The following HPSE2 variants were observed in gnomAD, a reference collection of about 807,000 sequenced individuals.
HPSE2 encodes heparanase 2 (inactive), also known as inactive heparanase-2.
A neutral mutation model predicts 60.5 loss-of-function variants in HPSE2; 38 were observed. That is an observed-to-expected ratio of 0.63 (90% CI 0.48 to 0.82). The LOEUF (loss-of-function observed/expected upper bound fraction) is 0.82, where lower values mean the gene tolerates loss of function less well. Among genes scored for constraint, HPSE2 ranks in the 40% least tolerant of loss-of-function variants. The pLI, the probability that HPSE2 is intolerant of heterozygous loss-of-function variation, is 0.00. For missense variants in HPSE2, 713 were observed against 740.4 expected (o/e 0.96, Z 0.43); for synonymous variants, 295 against 293.2 (o/e 1.01, Z -0.06).
At chr10:99,021,498 T>G (rs1957261634) in intron 3 of HPSE2, among the ~76,000 whole-genome samples, 1 of 152,122 alleles carries the variant, frequency 6.6e-6, no homozygotes, top group Non-Finnish European at 1.5e-5. Context: ...CTTGATGGTT[T>G]AGGCAAGACA....
chr10:98,675,540 A>C (rs1237988812), intron 6 of HPSE2, among the ~76,000 whole-genome samples: 4 of 26,154 alleles, frequency 1.5e-4, no homozygotes, highest in African/African-American at 4.7e-4. Context: ...ATCCCTGTCT[A>C]CACACACACA....
rs539046843 is a variant in HPSE2 at position 98,585,414 on chromosome 10, G to C, written c.1320+29490C>G. The stretch of plus-strand genomic sequence containing the variant: ...AGCCTCCCAAGTAGCTGGGATTACA[G>C]GTGTGCGCCACCACACCCAGCTAAT... On this transcript the variant is annotated intron_variant, in intron 9 of 11. Transcript: ENST00000370552. 4.0e-5 allele frequency among the ~76,000 whole-genome samples: 6 copies of C among 151,598 alleles called. No homozygotes were observed. The East Asian group carries it at 1.2e-3, about 30-fold the overall frequency.
At chr10:98,622,213 T>A (rs1218619270) in intron 7 of HPSE2, among the ~76,000 whole-genome samples, 1 of 151,112 alleles carries the variant, frequency 6.6e-6, no homozygotes, top group East Asian at 1.9e-4. Context: ...AGTGTTAAAT[T>A]AAAAAAAAAC....
At chr10:98,721,522 C>A in intron 5 of HPSE2, 135 bp downstream of exon 5, 1 of 806,156 alleles carries the variant, frequency 1.2e-6, no homozygotes, top group South Asian at 1.7e-5. Context: ...TGGGTGAAGC[C>A]ACTATGGAAA....
At chr10:99,171,714 G>C (rs912358063) in intron 2 of HPSE2, among the ~76,000 whole-genome samples, 1 of 152,080 alleles carries the variant, frequency 6.6e-6, no homozygotes, top group Admixed American at 6.6e-5. Flanking sequence ...GAAGTTAATT[G>C]AATAATGGGC....
intron 3 of HPSE2, among the ~76,000 whole-genome samples, chr10:99,134,613 C>T (rs1369764320): frequency 6.6e-6 from 1 of 152,140 alleles, no homozygotes; most frequent in South Asian, 2.1e-4. Flanking sequence ...TCATAACCAA[C>T]CAAACTAAGT....
At chr10:98,690,904 T>C (rs1948061910) in intron 6 of HPSE2, among the ~76,000 whole-genome samples, 1 of 152,090 alleles carries the variant, frequency 6.6e-6, no homozygotes, top group African/African-American at 2.4e-5. Flanking sequence ...ACTACAGAGA[T>C]CTGTTTATTC....
intron 3 of HPSE2, among the ~76,000 whole-genome samples, chr10:98,984,117 C>T (rs1956276440): frequency 6.6e-6 from 1 of 152,206 alleles, no homozygotes; most frequent in Admixed American, 6.5e-5. Context: ...ACTTAAATGT[C>T]CTTATCTGAC....
Position 99,000,140 on chromosome 10 carries a change from G to T in HPSE2, c.610+144098C>A, listed in dbSNP as rs144039499. Among the ~76,000 whole-genome samples, 47 of 152,194 alleles carry T rather than the reference G, an allele frequency of 3.1e-4. No homozygotes were observed. The East Asian group carries it at 8.7e-3, about 28-fold the overall frequency. ...GGGAAAAAAAGGCAGTGTGAGGAGA[G>T]AATCATTAGAACTTGTTAACTTACT... On this transcript the variant is annotated intron_variant, in intron 3 of 11. Coordinates refer to ENST00000370552, the MANE Select transcript of HPSE2 (RefSeq NM_021828.5).
At chr10:98,907,503 G>A (rs1370078858) in intron 3 of HPSE2, among the ~76,000 whole-genome samples, 1 of 152,080 alleles carries the variant, frequency 6.6e-6, no homozygotes, top group Non-Finnish European at 1.5e-5. Context: ...AATACACACA[G>A]TTTTCTTTCT....
chr10:99,086,514 G>A (rs953217734), intron 3 of HPSE2, among the ~76,000 whole-genome samples: 33 of 150,662 alleles, frequency 2.2e-4, no homozygotes, highest in Admixed American at 6.6e-5. Context: ...CACTACGCCC[G>A]GCTAATTTTT....
intron 9 of HPSE2, among the ~76,000 whole-genome samples, chr10:98,497,161 T>C (rs1217793448): frequency 6.6e-6 from 1 of 152,142 alleles, no homozygotes; most frequent in East Asian, 1.9e-4. Flanking sequence ...TATCACATAC[T>C]AAGTAATAGT....
At chr10:98,734,519 C>G (rs1235405749) in intron 4 of HPSE2, among the ~76,000 whole-genome samples, 1 of 147,858 alleles carries the variant, frequency 6.8e-6, no homozygotes, top group African/African-American at 2.4e-5. Context: ...ACATTTGTTA[C>G]TTTACTTTTC....
rs560613848 is a variant in HPSE2, at chr10:98,941,077, G to T, written c.611-197021C>A. ...TCAATAAATTAGGTATTGATGGGAC[G>T]TATCTCAAAAGAATAAGAGCTATCT... On this transcript the variant is annotated intron_variant, in intron 3 of 11. Transcript: ENST00000370552. Among the ~76,000 whole-genome samples the T allele has an allele frequency of 8.0e-4, 113 of 141,358 alleles. 9 individuals carry two copies. Among genetic ancestry groups the T allele is most frequent in the Middle Eastern group, 3.6e-3 (1 of 280 alleles). The allele number at this position is 141,358 out of a possible 152,430, so 92.7% of individuals were successfully genotyped here.
intron 3 of HPSE2, among the ~76,000 whole-genome samples, chr10:99,112,410 T>TTGTTG (rs954841709): frequency 2.1e-4 from 19 of 91,062 alleles, no homozygotes; most frequent in African/African-American, 5.5e-4. Context: ...CGGCTTTTTT[T>TTGTTG]TGTTGTGTTT....
At chr10:98,614,301 T>G (rs1013836971) in intron 9 of HPSE2, among the ~76,000 whole-genome samples, 11 of 151,648 alleles carry the variant, frequency 7.3e-5, no homozygotes, top group Admixed American at 2.6e-4. Context: ...GTTTTGTTTT[T>G]TTTTTTTTTG....
At chr10:99,139,120 T>C (rs1845771388) in intron 3 of HPSE2, among the ~76,000 whole-genome samples, 1 of 152,070 alleles carries the variant, frequency 6.6e-6, no homozygotes, top group Admixed American at 6.6e-5. Context: ...AAGAATAAAA[T>C]GATGTCTTTT....
intron 3 of HPSE2, among the ~76,000 whole-genome samples, chr10:98,807,652 T>C (rs1332493283): frequency 1.3e-5 from 2 of 152,214 alleles, no homozygotes; most frequent in Non-Finnish European, 2.9e-5. Flanking sequence ...CAAGTTTTAT[T>C]TGGAGGATTT....
intron 3 of HPSE2, among the ~76,000 whole-genome samples, chr10:98,888,282 T>C (rs1264012046): frequency 6.6e-6 from 1 of 152,058 alleles, no homozygotes; most frequent in Admixed American, 6.6e-5. Flanking sequence ...ATTTGATCAC[T>C]TACATTCTCA....
Sources: allele counts gnomAD v4.1 joint callset (sites outside exome capture counted in the v4.1 genomes callset), GRCh38; gene constraint gnomAD v4.1.1; transcripts MANE v1.5; gene names NCBI Gene and HGNC (gene_info 2026-07-23, HGNC 2026-07-21).